DESI2: variants seen among roughly 807,000 people sequenced by gnomAD.
DESI2 encodes deubiquitinase DESI2.
In DESI2, 10 loss-of-function variants were observed where a neutral mutation model predicts 24.1. The ratio of observed to expected loss-of-function variants is 0.41; its 90% CI spans 0.26 to 0.70. The LOEUF (loss-of-function observed/expected upper bound fraction) is 0.70, where lower values mean the gene tolerates loss of function less well. DESI2 is among the 30% of genes least tolerant of loss of function. DESI2 has a pLI of 0.29. For missense variants in DESI2, 122 were observed against 234.9 expected, an observed-to-expected ratio of 0.52 and a Z score of 3.14; for synonymous variants, 71 against 87.7, an observed-to-expected ratio of 0.81 and a Z score of 1.06.
chr1:244,687,576 C>T (rs950125994), intron 2 of DESI2, among the ~76,000 whole-genome samples: 1 of 152,192 alleles, frequency 6.6e-6, no homozygotes, highest in Non-Finnish European at 1.5e-5. Context: ...TTAACCAATA[C>T]AAAGAAAAGA....
At chr1:244,672,856 G>A (rs1279064465) in intron 1 of DESI2, among the ~76,000 whole-genome samples, 1 of 146,634 alleles carries the variant, frequency 6.8e-6, no homozygotes, top group Non-Finnish European at 1.5e-5. Context: ...CAGCCTGGGT[G>A]ACAGCGAGAC....
At chr1:244,672,523 A>C (rs1676280524) in intron 1 of DESI2, among the ~76,000 whole-genome samples, 2 of 152,160 alleles carry the variant, frequency 1.3e-5, no homozygotes. Flanking sequence ...ATAGCAACAC[A>C]AAAACGGACT....
chr1:244,701,102 T>G (rs1677433710), intron 4 of DESI2, among the ~76,000 whole-genome samples: 1 of 151,510 alleles, frequency 6.6e-6, no homozygotes, highest in Non-Finnish European at 1.5e-5. Context: ...TTTAATGATT[T>G]AGGAAATTTT....
intron 1 of DESI2, among the ~76,000 whole-genome samples, chr1:244,654,715 C>T (rs1370521478): frequency 6.6e-6 from 1 of 152,182 alleles, no homozygotes; most frequent in Non-Finnish European, 1.5e-5. Flanking sequence ...AAATAATTCT[C>T]TGGATTTAAA....
chr1:244,669,142 T>C (rs1422501643), intron 1 of DESI2, among the ~76,000 whole-genome samples: 2 of 151,900 alleles, frequency 1.3e-5, no homozygotes, highest in African/African-American at 4.8e-5. Context: ...GCTGGGACTA[T>C]GCACCGCCAC....
intron 3 of DESI2, among the ~76,000 whole-genome samples, chr1:244,691,267 T>C (rs1677018906): frequency 6.6e-6 from 1 of 152,230 alleles, no homozygotes; most frequent in South Asian, 2.1e-4. Context: ...TTTTGTATTG[T>C]TTTAGAGACG....
At chr1:244,695,936 G>A (rs1026646661) in intron 4 of DESI2, among the ~76,000 whole-genome samples, 1 of 152,062 alleles carries the variant, frequency 6.6e-6, no homozygotes, top group Admixed American at 6.6e-5. Context: ...ACTATGTACA[G>A]CTTTTGTATT....
intron 4 of DESI2, among the ~76,000 whole-genome samples, chr1:244,697,529 A>G (rs905258626): frequency 6.6e-6 from 1 of 151,446 alleles, no homozygotes; most frequent in Admixed American, 6.6e-5. Context: ...GGGTAGAGGT[A>G]TGGAAAACCT....
At chr1:244,701,794 A>G (rs1029728167) in intron 4 of DESI2, among the ~76,000 whole-genome samples, 1 of 152,230 alleles carries the variant, frequency 6.6e-6, no homozygotes, top group African/African-American at 2.4e-5. Context: ...AACAGTATAT[A>G]GAAATATTCC....
At chr1:244,663,874 C>A (rs548873760) in intron 1 of DESI2, among the ~76,000 whole-genome samples, 41 of 152,014 alleles carry the variant, frequency 2.7e-4, no homozygotes, top group African/African-American at 9.6e-4. Context: ...AAAAATTAGC[C>A]AGGCGTGGTG....
At chr1:244,675,207 G>A (rs988817117) in intron 1 of DESI2, among the ~76,000 whole-genome samples, 1 of 151,806 alleles carries the variant, frequency 6.6e-6, no homozygotes, top group Non-Finnish European at 1.5e-5. Context: ...GTCCCTTGTC[G>A]GTATATGACT....
At chr1:244,663,437 A>G (rs1490719599) in intron 1 of DESI2, among the ~76,000 whole-genome samples, 1 of 151,898 alleles carries the variant, frequency 6.6e-6, no homozygotes, top group South Asian at 2.1e-4. Flanking sequence ...CAGCCTCCCA[A>G]AGTGCTGGGA....
chr1:244,671,417 T>G (rs951884724), intron 1 of DESI2, among the ~76,000 whole-genome samples: 1 of 152,174 alleles, frequency 6.6e-6, no homozygotes, highest in Non-Finnish European at 1.5e-5. Context: ...TATATGTAAC[T>G]CTTCATCCCA....
intron 1 of DESI2, among the ~76,000 whole-genome samples, chr1:244,672,694 T>C (rs2148792752): frequency 6.6e-6 from 1 of 152,118 alleles, no homozygotes; most frequent in East Asian, 1.9e-4. Flanking sequence ...CTGGACAACA[T>C]GGTGAAACCC....
Position 244,686,611 on chromosome 1 carries a change from A to C in DESI2, c.57A>C (p.Glu19Asp), listed in dbSNP as rs747002087. The C allele has an allele frequency of 3.1e-6, 5 of 1,606,592 alleles. No individual in the cohort carries two copies. In the South Asian group the frequency reaches 3.3e-5, roughly 11 times the overall value. Residue 19 changes from glutamate (E) to aspartate (D), a missense_variant, in exon 2 of 5, where the codon GAA (glutamate) becomes GAC (aspartate). Glu to Asp is a conservative substitution (Grantham distance 45). Transcript: ENST00000302550. ...LNVYDMYWMN[E>D]YTSSIGIGVF... ...TTTTTTCTCAGTATTGGATGAACGA[A>C]TATACCTCATCCATTGGAATTGGAG...
Position 244,687,752 on chromosome 1 carries a change from T to G in DESI2, c.115+1083T>G, listed in dbSNP as rs149515484. Among the ~76,000 whole-genome samples, 263 of 152,338 alleles carry G rather than the reference T, an allele frequency of 1.7e-3. 2 individuals carry two copies. Among genetic ancestry groups the G allele is most frequent in the African/African-American group, 6.2e-3 (257 of 41,580 alleles). On this transcript the variant is annotated intron_variant, in intron 2 of 4. Transcript: ENST00000302550. ...TCTACCAAATAATCCCAGGAAATAC[T>G]GAGGGGCTCTTGCTGGAAGTTTCAT...
chr1:244,663,063 A>C (rs532017145), intron 1 of DESI2, among the ~76,000 whole-genome samples: 2 of 152,322 alleles, frequency 1.3e-5, no homozygotes, highest in East Asian at 3.9e-4. Flanking sequence ...TGGGAACTAA[A>C]GAGAAAACAA....
intron 4 of DESI2, among the ~76,000 whole-genome samples, chr1:244,700,244 G>C (rs921134608): frequency 6.6e-6 from 1 of 152,118 alleles, no homozygotes; most frequent in Non-Finnish European, 1.5e-5. Context: ...ACTGGGTCTT[G>C]GGCATCCCTG....
At chr1:244,662,729 G>A (rs942960698) in intron 1 of DESI2, among the ~76,000 whole-genome samples, 2 of 152,118 alleles carry the variant, frequency 1.3e-5, no homozygotes, top group African/African-American at 4.8e-5. Context: ...CAGTTTCAAA[G>A]AGAGTGGTCA....
Sources: allele counts gnomAD v4.1 joint callset (sites outside exome capture counted in the v4.1 genomes callset), GRCh38; gene constraint gnomAD v4.1.1; transcripts MANE v1.5; gene names NCBI Gene and HGNC (gene_info 2026-07-23, HGNC 2026-07-21).